The following GPC5 variants were observed in gnomAD, a reference collection of about 807,000 sequenced individuals.
GPC5 encodes glypican-5.
GPC5 carries 47 observed loss-of-function variants against 53.9 expected under a neutral mutation model. The ratio of observed to expected loss-of-function variants is 0.87; its 90% CI spans 0.69 to 1.11. The LOEUF is 1.11. Among genes scored for constraint, GPC5 ranks in the 50% most tolerant of loss-of-function variants. The pLI is 0.00. For missense variants in GPC5, 748 were observed against 713.1 expected, an observed-to-expected ratio of 1.05 and a Z score of -0.56; for synonymous variants, 286 against 263.3, an observed-to-expected ratio of 1.09 and a Z score of -0.84.
At chr13:92,378,952 G>A (rs2043716596) in intron 7 of GPC5, among the ~76,000 whole-genome samples, 1 of 152,134 alleles carries the variant, frequency 6.6e-6, no homozygotes, top group Non-Finnish European at 1.5e-5. Context: ...CATATATTGT[G>A]TCTGAAGAAC....
At chr13:91,586,513 T>G (rs2032576370) in intron 2 of GPC5, among the ~76,000 whole-genome samples, 2 of 11,898 alleles carry the variant, frequency 1.7e-4, no homozygotes, top group Non-Finnish European at 2.5e-4. Context: ...TATATATATA[T>G]ATATATATAT....
At chr13:92,415,048 A>T (rs2139354439) in intron 7 of GPC5, among the ~76,000 whole-genome samples, 1 of 152,270 alleles carries the variant, frequency 6.6e-6, no homozygotes, top group South Asian at 2.1e-4. Context: ...GGCTGGGAGG[A>T]GAAGCGTGCA....
chr13:91,713,599 AC>A (rs2036274394), intron 3 of GPC5, among the ~76,000 whole-genome samples: 1 of 152,200 alleles, frequency 6.6e-6, no homozygotes, highest in East Asian at 1.9e-4. Context: ...TTCAGTTACC[AC>A]CTTGTTTATA....
rs1231169648 is a variant in GPC5, at chr13:91,678,736, TG to T, written c.326-14450del. 2.5e-3 allele frequency among the ~76,000 whole-genome samples: 352 copies of T among 140,894 alleles called. 1 individual carries two copies. Among genetic ancestry groups the T allele is most frequent in the African/African-American group, 9.9e-3 (337 of 33,874 alleles). The allele number at this position is 140,894 out of a possible 152,430, so 92.4% of individuals were successfully genotyped here. On this transcript the variant is annotated intron_variant, in intron 2 of 7. Coordinates refer to ENST00000377067, the MANE Select transcript of GPC5 (RefSeq NM_004466.6). ...TTATTTCAAGGATGTTAGGAGTTTT[TG>T]TTTTTTTTTTTGTACATTTGTGGAT... is the stretch of plus-strand genomic sequence containing the variant.
intron 7 of GPC5, among the ~76,000 whole-genome samples, chr13:92,518,069 G>A (rs145399449): frequency 2.4e-4 from 36 of 152,224 alleles, no homozygotes; most frequent in African/African-American, 8.4e-4. Flanking sequence ...CTGGAAGAAA[G>A]GATATCAGTG....
At chr13:92,179,150 G>T (rs1264770595) in intron 7 of GPC5, among the ~76,000 whole-genome samples, 1 of 152,028 alleles carries the variant, frequency 6.6e-6, no homozygotes, top group East Asian at 1.9e-4. Context: ...TGGGAGTTAA[G>T]TAAAAACGAA....
chr13:92,864,617 A>G (rs184486392), intron 7 of GPC5, among the ~76,000 whole-genome samples: 1 of 152,248 alleles, frequency 6.6e-6, no homozygotes, highest in Non-Finnish European at 1.5e-5. Flanking sequence ...GTTAAGCTTA[A>G]CAAGAGGTAT....
chr13:92,036,385 C>A lies in GPC5; in HGVS notation c.1402-108445C>A, dbSNP rs1031108713. Among the ~76,000 whole-genome samples the A allele has an allele frequency of 3.3e-5, 5 of 152,020 alleles. No individual in the cohort carries two copies. The South Asian group carries it at 6.2e-4, about 19-fold the overall frequency. ...AGGTGCTTTGATGTCTAGTTACTGG[C>A]CAAAATAAATAGCATATTTCTGATC... On this transcript the variant is annotated intron_variant, in intron 6 of 7. Coordinates refer to ENST00000377067, the MANE Select transcript of GPC5 (RefSeq NM_004466.6).
At chr13:92,587,896 T>C (rs933867841) in intron 7 of GPC5, among the ~76,000 whole-genome samples, 1 of 152,066 alleles carries the variant, frequency 6.6e-6, no homozygotes, top group African/African-American at 2.4e-5. Context: ...TTGGGGTTTT[T>C]TTTTTGAAAG....
At chr13:92,047,413 TTGAC>T (rs1407338721) in intron 6 of GPC5, among the ~76,000 whole-genome samples, 1 of 142,286 alleles carries the variant, frequency 7.0e-6, no homozygotes, top group African/African-American at 2.5e-5. Context: ...CTCATTCCTA[TTGAC>T]TTTCTTTTTA....
At chr13:92,374,532 G>A (rs1276235329) in intron 7 of GPC5, among the ~76,000 whole-genome samples, 2 of 151,958 alleles carry the variant, frequency 1.3e-5, no homozygotes, top group African/African-American at 4.8e-5. Context: ...CATAAAAAAT[G>A]ATGAGTTCAT....
At chr13:92,114,678 G>A (rs1052154581) in intron 6 of GPC5, among the ~76,000 whole-genome samples, 5 of 152,042 alleles carry the variant, frequency 3.3e-5, no homozygotes, top group African/African-American at 1.2e-4. Context: ...GGTATACCTG[G>A]CCACACAGAT....
At chr13:92,304,176 CA>C (rs2043094413) in intron 7 of GPC5, among the ~76,000 whole-genome samples, 2 of 151,654 alleles carry the variant, frequency 1.3e-5, no homozygotes, top group Non-Finnish European at 2.9e-5. Context: ...AAATGTAATG[CA>C]AGGCTTTGAT....
intron 1 of GPC5, among the ~76,000 whole-genome samples, chr13:91,443,293 A>C (rs1001018281): frequency 6.6e-6 from 1 of 152,174 alleles, no homozygotes; most frequent in Non-Finnish European, 1.5e-5. Flanking sequence ...GACTGTTGTC[A>C]TCAGAAGAAG....
intron 6 of GPC5, among the ~76,000 whole-genome samples, chr13:91,926,396 T>A (rs960160252): frequency 6.6e-6 from 1 of 151,348 alleles, no homozygotes; most frequent in Non-Finnish European, 1.5e-5. Context: ...TGCAAAGCTT[T>A]GGAGTATATT....
At chr13:92,862,213 A>G (rs1419588416) in intron 7 of GPC5, among the ~76,000 whole-genome samples, 1 of 152,184 alleles carries the variant, frequency 6.6e-6, no homozygotes, top group Non-Finnish European at 1.5e-5. Context: ...GAACTTAATT[A>G]TATCAAACTT....
chr13:92,537,801 A>G (rs1881773747), intron 7 of GPC5, among the ~76,000 whole-genome samples: 1 of 152,102 alleles, frequency 6.6e-6, no homozygotes, highest in Non-Finnish European at 1.5e-5. Context: ...AGTTGACGCT[A>G]GTTGCATGAG....
intron 7 of GPC5, among the ~76,000 whole-genome samples, chr13:92,397,806 T>C (rs1875355197): frequency 6.6e-6 from 1 of 152,208 alleles, no homozygotes; most frequent in Non-Finnish European, 1.5e-5. Context: ...GCCCTAAGAA[T>C]ATTTCTCACC....
chr13:91,896,372 G>A lies in GPC5; in HGVS notation c.1281-11565G>A, dbSNP rs374535277. On this transcript the variant is annotated intron_variant, in intron 5 of 7. Transcript: ENST00000377067. ...CTGACCTCGTTATCCAGCCACCTCC[G>A]CCTCCCAAAGTGTTGGGATTACAGG... Among the ~76,000 whole-genome samples the A allele has an allele frequency of 8.9e-4, 136 of 152,080 alleles. 1 individual carries two copies. Among genetic ancestry groups the A allele is most frequent in the South Asian group, 3.7e-3 (18 of 4,812 alleles).
Sources: gnomAD v4.1 joint callset for allele counts (sites outside exome capture counted in the v4.1 genomes callset) on GRCh38, gnomAD v4.1.1 for gene constraint, MANE v1.5 for transcripts, NCBI Gene and HGNC (gene_info 2026-07-23, HGNC 2026-07-21) for gene names.